Variants in CES5A observed in about 807,000 individuals in gnomAD.
CES5A encodes the protein carboxylesterase 5.
A neutral mutation model predicts 62.9 loss-of-function variants in CES5A; 67 were observed. The ratio of observed to expected loss-of-function variants is 1.07; its 90% CI spans 0.88 to 1.31. The LOEUF is 1.31. CES5A is among the 50% of genes most tolerant of loss of function. The pLI is 0.00. For synonymous variants in CES5A, 296 were observed against 280.8 expected (o/e 1.05, Z -0.54); for missense variants, 748 against 708.5 (o/e 1.06, Z -0.63).
intron 2 of CES5A, among the ~76,000 whole-genome samples, chr16:55,935,270 A>C (rs2034361224): frequency 6.6e-6 from 1 of 152,236 alleles, no homozygotes; most frequent in Non-Finnish European, 1.5e-5. Context: ...TGAGTCCAAA[A>C]GGTGGAATAA....
chr16:55,868,559 C>T (rs1205691186), intron 4 of CES5A, among the ~76,000 whole-genome samples: 1 of 152,190 alleles, frequency 6.6e-6, no homozygotes, highest in Non-Finnish European at 1.5e-5. Context: ...GCCTCTCACT[C>T]TTGGAGAATT....
At chr16:55,875,124 C>G in intron 1 of CES5A, 25 bp downstream of exon 1, 1 of 1,607,966 alleles carries the variant, frequency 6.2e-7, no homozygotes. Flanking sequence ...TTCTGAGAGC[C>G]CTCCTTTCCC....
chr16:55,955,243 C>A (rs1349842256), intron 1 of CES5A, among the ~76,000 whole-genome samples: 1 of 152,088 alleles, frequency 6.6e-6, no homozygotes, highest in Non-Finnish European at 1.5e-5. Flanking sequence ...TAAGTAACTT[C>A]TTTAAAAGGA....
In CES5A at chr16:55,943,943, T is replaced by C. The variant is rs1263401519; in HGVS notation, c.160+5842A>G. 9 of 684,782 alleles carry C rather than the reference T, an allele frequency of 1.3e-5. No homozygotes were observed. In the African/African-American group the frequency reaches 1.4e-4, roughly 11 times the overall value. 42.4% of individuals were successfully genotyped at this position (684,782 alleles called of 1,614,324 possible). ...TCTAGAGCTGAAGGGGCAGTATTCATCTTCTTCTGAAACCTCCCATATGAG... is the reference window on the plus strand; with the variant it reads ...TCTAGAGCTGAAGGGGCAGTATTCACCTTCTTCTGAAACCTCCCATATGAG... On this transcript the variant is annotated intron_variant, in intron 2 of 13. Coordinates refer to the CES5A transcript ENST00000521992.
chr16:55,933,079 G>A (rs2034330983), intron 2 of CES5A, among the ~76,000 whole-genome samples: 2 of 152,200 alleles, frequency 1.3e-5, no homozygotes, highest in Non-Finnish European at 2.9e-5. Flanking sequence ...TGTGAATTGG[G>A]AAGTCCTTCA....
chr16:55,947,568 G>A (rs1202897166), intron 2 of CES5A, among the ~76,000 whole-genome samples: 1 of 152,044 alleles, frequency 6.6e-6, no homozygotes, highest in African/African-American at 2.4e-5. Flanking sequence ...TCCATTGCAT[G>A]GTGATAAGTG....
chr16:55,908,890 G>T (rs1322818771), intron 1 of CES5A, among the ~76,000 whole-genome samples: 2 of 152,208 alleles, frequency 1.3e-5, no homozygotes, highest in Non-Finnish European at 1.5e-5. Flanking sequence ...CTCCAGAGTG[G>T]CTCCCCTTCT....
chr16:55,913,112 A>C (rs2034111060), intron 1 of CES5A, among the ~76,000 whole-genome samples: 1 of 152,210 alleles, frequency 6.6e-6, no homozygotes. Flanking sequence ...CCGAGCATTC[A>C]GGGATCAGAG....
At chr16:55,856,650 C>A (rs2033250463) in intron 8 of CES5A, among the ~76,000 whole-genome samples, 2 of 152,242 alleles carry the variant, frequency 1.3e-5, no homozygotes, top group Non-Finnish European at 2.9e-5. Context: ...TGTTCCTTGT[C>A]ATTCCACCTG....
chr16:55,937,458 T>A (rs951160090), intron 2 of CES5A, among the ~76,000 whole-genome samples: 11 of 152,204 alleles, frequency 7.2e-5, no homozygotes, highest in Non-Finnish European at 1.5e-5. Context: ...CACATTCCAT[T>A]GCCCGCAGCA....
intron 1 of CES5A, among the ~76,000 whole-genome samples, chr16:55,918,611 C>A (rs1034134865): frequency 2.6e-5 from 4 of 152,164 alleles, no homozygotes; most frequent in Non-Finnish European, 5.9e-5. Flanking sequence ...AAGGGTGTGA[C>A]TATTCCTATT....
chr16:55,857,381 C>A (rs542350639), intron 8 of CES5A, among the ~76,000 whole-genome samples: 11 of 152,094 alleles, frequency 7.2e-5, no homozygotes, highest in African/African-American at 2.7e-4. Context: ...GCAAAATTAC[C>A]GCTTTAAAAT....
chr16:55,920,275 T>C (rs1367718973), intron 1 of CES5A, among the ~76,000 whole-genome samples: 3 of 152,166 alleles, frequency 2.0e-5, no homozygotes, highest in Non-Finnish European at 4.4e-5. Flanking sequence ...AAAGGTGAGA[T>C]TGAGAAGAGC....
rs141123793 is a variant in CES5A, at chr16:55,871,502, T to C, written c.417+123A>G. The C allele has an allele frequency of 2.3e-3, 2,402 of 1,059,070 alleles. 91 individuals carry two copies. The Admixed American group carries it at 0.059, about 26-fold the overall frequency. 65.6% of individuals were successfully genotyped at this position (1,059,070 alleles called of 1,614,324 possible). On this transcript the variant is annotated intron_variant, in intron 3 of 12. Coordinates refer to ENST00000290567, the MANE Select transcript of CES5A (RefSeq NM_001143685.2). ...AAATGATTTTTAAAAATTGTTGATG[T>C]GATTACATTTCCCTTTTACCCAACA... is the stretch of plus-strand genomic sequence containing the variant.
chr16:55,938,762 AAAAATATATATATATATATATAT>A (rs2034408923), intron 2 of CES5A, among the ~76,000 whole-genome samples: 1 of 53,752 alleles, frequency 1.9e-5, no homozygotes. Flanking sequence ...AAAAAAAAAA[AAAAATATATATATATATATATAT>A]ATATATATAT....
chr16:55,907,629 A>G (rs1251364012), intron 1 of CES5A, among the ~76,000 whole-genome samples: 1 of 152,190 alleles, frequency 6.6e-6, no homozygotes, highest in Non-Finnish European at 1.5e-5. Context: ...CACGTGACAT[A>G]GGCCCTCAGG....
chr16:55,846,887 G>A (rs2033024720), intron 11 of CES5A, 47 bp from the exon 12 acceptor site: 12 of 1,518,114 alleles, frequency 7.9e-6, no homozygotes, highest in East Asian at 6.8e-5. Flanking sequence ...TGAGGCTCGG[G>A]AAGCCCCGGG....
chr16:55,903,208 G>A (rs1296229042), intron 1 of CES5A, among the ~76,000 whole-genome samples: 1 of 152,082 alleles, frequency 6.6e-6, no homozygotes, highest in Non-Finnish European at 1.5e-5. Flanking sequence ...CTGGTATGAT[G>A]CTCACCAGTG....
chr16:55,929,453 A>G (rs1407251189), upstream of CES5A, among the ~76,000 whole-genome samples: 1 of 151,928 alleles, frequency 6.6e-6, no homozygotes, highest in Non-Finnish European at 1.5e-5. Flanking sequence ...TGCATCTCTC[A>G]TGTGCACCCC....
Sources: gnomAD v4.1 joint callset for allele counts (sites outside exome capture counted in the v4.1 genomes callset) on GRCh38, gnomAD v4.1.1 for gene constraint, MANE v1.5 for transcripts, NCBI Gene and HGNC (gene_info 2026-07-23, HGNC 2026-07-21) for gene names.